LRP1B: variants seen among roughly 807,000 people sequenced by gnomAD.
LRP1B encodes the protein low-density lipoprotein receptor-related protein 1B.
In LRP1B, 217 loss-of-function variants were observed where a neutral mutation model predicts 556.6. That is an observed-to-expected ratio of 0.39 (90% confidence interval 0.35 to 0.44). The LOEUF (loss-of-function observed/expected upper bound fraction) is 0.44, where lower values mean the gene tolerates loss of function less well. Among genes scored for constraint, LRP1B ranks in the 20% least tolerant of loss-of-function variants. LRP1B has a pLI of 1.00. For missense variants in LRP1B, 5,053 were observed against 5,620.8 expected (o/e 0.90, Z 3.23); for synonymous variants, 2,047 against 1,865.8 (o/e 1.10, Z -2.50).
At chr2:141,979,055 G>C (rs1701969588) in intron 1 of LRP1B, among the ~76,000 whole-genome samples, 1 of 151,852 alleles carries the variant, frequency 6.6e-6, no homozygotes, top group Non-Finnish European at 1.5e-5. Context: ...AAAGGCCTAA[G>C]AGAGTCATAT....
At chr2:141,954,999 C>A (rs1337359043) in intron 1 of LRP1B, among the ~76,000 whole-genome samples, 5 of 152,060 alleles carry the variant, frequency 3.3e-5, no homozygotes, top group African/African-American at 1.2e-4. Flanking sequence ...AATACAATTT[C>A]TGTCCATCAA....
At chr2:140,437,607 G>T (rs1686241558) in intron 66 of LRP1B, among the ~76,000 whole-genome samples, 1 of 152,092 alleles carries the variant, frequency 6.6e-6, no homozygotes. Flanking sequence ...GTATATAAAA[G>T]CACAAAGCTT....
chr2:141,613,108 T>C (rs1688167955), intron 2 of LRP1B, among the ~76,000 whole-genome samples: 1 of 152,044 alleles, frequency 6.6e-6, no homozygotes, highest in African/African-American at 2.4e-5. Flanking sequence ...GCACCTGGCC[T>C]GTTTTTGTTT....
At chr2:141,570,890 ACAGAATCTGGAT>A (rs1389435107) in intron 2 of LRP1B, among the ~76,000 whole-genome samples, 1 of 150,480 alleles carries the variant, frequency 6.6e-6, no homozygotes, top group Non-Finnish European at 1.5e-5. Context: ...AGGCTCAGGG[ACAGAATCTGGAT>A]CTCCCTGGGC....
chr2:141,067,605 C>A (rs750038454), intron 7 of LRP1B, among the ~76,000 whole-genome samples: 1 of 151,980 alleles, frequency 6.6e-6, no homozygotes, highest in Non-Finnish European at 1.5e-5. Context: ...CGTTGAACGT[C>A]CTTATTTACC....
At chr2:141,848,695 A>T (rs1373030017) in intron 1 of LRP1B, among the ~76,000 whole-genome samples, 1 of 151,594 alleles carries the variant, frequency 6.6e-6, no homozygotes, top group African/African-American at 2.4e-5. Context: ...TTATATATAC[A>T]CAAGCAATTT....
chr2:142,040,656 G>T (rs1410985104), intron 1 of LRP1B, among the ~76,000 whole-genome samples: 12 of 146,756 alleles, frequency 8.2e-5, no homozygotes, highest in Non-Finnish European at 1.7e-4. Flanking sequence ...AGTTCAGTTT[G>T]GTCTGAAAGC....
At chr2:140,738,965 G>A (rs1463663758) in intron 35 of LRP1B, among the ~76,000 whole-genome samples, 2 of 152,120 alleles carry the variant, frequency 1.3e-5, no homozygotes, top group Non-Finnish European at 2.9e-5. Flanking sequence ...ACAGCAATAC[G>A]GGGTCTCTGA....
At chr2:141,658,872 C>A (rs1050653356) in intron 2 of LRP1B, among the ~76,000 whole-genome samples, 13 of 152,068 alleles carry the variant, frequency 8.5e-5, no homozygotes, top group African/African-American at 3.1e-4. Context: ...TAAGGCATCA[C>A]TACATGGGTC....
At chr2:141,444,668 G>T (rs903194423) in intron 3 of LRP1B, among the ~76,000 whole-genome samples, 3 of 152,168 alleles carry the variant, frequency 2.0e-5, no homozygotes, top group Non-Finnish European at 4.4e-5. Context: ...GGCCTTTTCT[G>T]CATCTATTGA....
chr2:141,879,031 G>A (rs1054785583), intron 1 of LRP1B, among the ~76,000 whole-genome samples: 1 of 151,620 alleles, frequency 6.6e-6, no homozygotes, highest in African/African-American at 2.4e-5. Context: ...TTCTGAATTA[G>A]CTTTAAAGAA....
At chr2:140,351,824 A>G (rs1573831827) in intron 76 of LRP1B, among the ~76,000 whole-genome samples, 1 of 152,252 alleles carries the variant, frequency 6.6e-6, no homozygotes, top group South Asian at 2.1e-4. Context: ...CACTTAGCAA[A>G]TGCTTATTAT....
chr2:140,862,899 G>C (rs1371300381), intron 27 of LRP1B, among the ~76,000 whole-genome samples: 1 of 152,148 alleles, frequency 6.6e-6, no homozygotes, highest in Non-Finnish European at 1.5e-5. Flanking sequence ...TTTCCTGTTT[G>C]AGCTACGACA....
chr2:140,323,952 G>A lies in LRP1B; in HGVS notation c.12455C>T (p.Ala4152Val), dbSNP rs762786746. 1 of 1,594,216 alleles carries A rather than the reference G, an allele frequency of 6.3e-7. No homozygotes were observed. Among genetic ancestry groups the A allele is most frequent in the Admixed American group, 1.7e-5 (1 of 59,842 alleles). The change falls in exon 81 of 91, where the codon GCT becomes GTT. Residue 4152 changes from alanine (A) to valine (V), a missense_variant. This residue lies in a region of LRP1B where 551 missense variants were observed against 592.0 expected (regional missense o/e 0.93). Coordinates refer to ENST00000389484, the MANE Select transcript of LRP1B (RefSeq NM_018557.3). ...KFGHGSVEYL[A>V]LNIDKTKGVL... Reference sequence around the variant, plus strand: ...ACCTTTTGTTTTATCAATATTTAAAGCTAAGTACTCTACTGAACCATGGCC... The same window carrying A: ...ACCTTTTGTTTTATCAATATTTAAAACTAAGTACTCTACTGAACCATGGCC...
intron 65 of LRP1B, among the ~76,000 whole-genome samples, chr2:140,443,092 G>A (rs1686500341): frequency 6.6e-6 from 1 of 152,100 alleles, no homozygotes; most frequent in Non-Finnish European, 1.5e-5. Flanking sequence ...GTGGAGTCTT[G>A]CTCTGTTGTC....
At chr2:140,995,040 T>A (rs907600612) in intron 15 of LRP1B, among the ~76,000 whole-genome samples, 1 of 151,952 alleles carries the variant, frequency 6.6e-6, no homozygotes, top group Non-Finnish European at 1.5e-5. Context: ...AGGGCACATA[T>A]CATGCTGGAG....
intron 2 of LRP1B, among the ~76,000 whole-genome samples, chr2:141,520,752 C>G (rs141684796): frequency 2.5e-3 from 383 of 152,234 alleles, no homozygotes; most frequent in Non-Finnish European, 4.6e-3. Flanking sequence ...GTATCTGTAA[C>G]TCCTTACAAT....
chr2:140,297,692 A>ACTGAAC, intron 84 of LRP1B, 116 bp downstream of exon 84: 2 of 1,136,040 alleles, frequency 1.8e-6, no homozygotes, highest in East Asian at 4.8e-5. Context: ...AGTGACAGAG[A>ACTGAAC]CTGAACCTGA....
chr2:141,125,361 T>C (rs891883353), intron 7 of LRP1B, among the ~76,000 whole-genome samples: 1 of 152,202 alleles, frequency 6.6e-6, no homozygotes, highest in African/African-American at 2.4e-5. Flanking sequence ...GAAGATAGAA[T>C]GCAGGGACAG....
Sources: gnomAD v4.1 joint callset for allele counts (sites outside exome capture counted in the v4.1 genomes callset) on GRCh38, gnomAD v4.1.1 for gene constraint, gnomAD v4.1.1 regional missense constraint, MANE v1.5 for transcripts, NCBI Gene and HGNC (gene_info 2026-07-23, HGNC 2026-07-21) for gene names.